PTPRT: variants seen among roughly 807,000 people sequenced by gnomAD.
The protein encoded by PTPRT is protein tyrosine phosphatase receptor type T.
PTPRT carries 56 observed loss-of-function variants against 176.8 expected under a neutral mutation model. That is an observed-to-expected ratio of 0.32 (90% confidence interval 0.26 to 0.40). PTPRT has a LOEUF of 0.40. Among genes scored for constraint, PTPRT ranks in the 10% least tolerant of loss-of-function variants. The pLI, the probability that PTPRT is intolerant of heterozygous loss-of-function variation, is 1.00. For synonymous variants in PTPRT, 783 were observed against 739.0 expected (o/e 1.06, Z -0.96); for missense variants, 1,540 against 1,908.2 (o/e 0.81, Z 3.60).
At chr20:42,175,292 C>A (rs1990245140) in intron 16 of PTPRT, among the ~76,000 whole-genome samples, 1 of 152,148 alleles carries the variant, frequency 6.6e-6, no homozygotes, top group South Asian at 2.1e-4. Flanking sequence ...TTGTGTCTCT[C>A]TGTCCTTTCC....
chr20:42,435,585 G>C (rs904111441), intron 9 of PTPRT, among the ~76,000 whole-genome samples: 2 of 152,160 alleles, frequency 1.3e-5, no homozygotes, highest in African/African-American at 2.4e-5. Context: ...CAGACCTAAG[G>C]TAGCAGTTTG....
At chr20:42,404,799 A>G (rs1241312376) in intron 9 of PTPRT, among the ~76,000 whole-genome samples, 1 of 152,008 alleles carries the variant, frequency 6.6e-6, no homozygotes, top group Non-Finnish European at 1.5e-5. Flanking sequence ...CCAATTGAAT[A>G]GACATCTTGA....
intron 1 of PTPRT, among the ~76,000 whole-genome samples, chr20:43,105,342 C>T (rs1336592792): frequency 6.6e-6 from 1 of 152,040 alleles, no homozygotes; most frequent in African/African-American, 2.4e-5. Context: ...CCCCAGCCCC[C>T]TTCATAGGGA....
intron 7 of PTPRT, among the ~76,000 whole-genome samples, chr20:42,508,311 T>C (rs376236884): frequency 6.6e-6 from 1 of 152,098 alleles, no homozygotes; most frequent in African/African-American, 2.4e-5. Context: ...TGGATTTTAA[T>C]GCAAACTTCA....
At chr20:42,101,450 C>A (rs550001577) in intron 26 of PTPRT, among the ~76,000 whole-genome samples, 1 of 152,104 alleles carries the variant, frequency 6.6e-6, no homozygotes, top group Non-Finnish European at 1.5e-5. Flanking sequence ...ATCCGAAAAA[C>A]GCAGGGGAGA....
At chr20:42,903,651 C>T (rs535000) in intron 1 of PTPRT, among the ~76,000 whole-genome samples, 9,096 of 152,204 alleles carry the variant, frequency 0.06, 762 homozygotes, top group African/African-American at 0.19. Context: ...AGTTGGACTC[C>T]GTGTACCTTG....
At chr20:42,734,165 A>G (rs2076503302) in intron 6 of PTPRT, among the ~76,000 whole-genome samples, 1 of 152,114 alleles carries the variant, frequency 6.6e-6, no homozygotes, top group Non-Finnish European at 1.5e-5. Flanking sequence ...GGTTGGCCCC[A>G]TCCCTCTGGG....
intron 2 of PTPRT, among the ~76,000 whole-genome samples, chr20:42,803,143 G>C (rs913750748): frequency 2.0e-5 from 3 of 152,242 alleles, no homozygotes; most frequent in African/African-American, 7.2e-5. Flanking sequence ...GGCCTAGAAG[G>C]CACCAGGAAG....
intron 9 of PTPRT, among the ~76,000 whole-genome samples, chr20:42,386,651 G>A (rs570943099): frequency 2.6e-5 from 4 of 152,002 alleles, no homozygotes; most frequent in East Asian, 1.9e-4. Context: ...TCACGAGGTC[G>A]TGAGTTCAAG....
intron 17 of PTPRT, among the ~76,000 whole-genome samples, chr20:42,153,116 T>G (rs182601776): frequency 6.6e-6 from 1 of 152,178 alleles, no homozygotes; most frequent in Non-Finnish European, 1.5e-5. Context: ...AAAAAGCAAG[T>G]GTGTCTCCAA....
chr20:43,095,501 G>C (rs1363027372), intron 1 of PTPRT, among the ~76,000 whole-genome samples: 1 of 151,928 alleles, frequency 6.6e-6, no homozygotes, highest in African/African-American at 2.4e-5. Flanking sequence ...CATGTGGCTG[G>C]ACATGTCTGC....
chr20:42,584,374 T>A (rs1314119983), intron 7 of PTPRT, among the ~76,000 whole-genome samples: 3 of 152,132 alleles, frequency 2.0e-5, no homozygotes, highest in African/African-American at 7.2e-5. Flanking sequence ...TCCCTGAACA[T>A]ACCAAACATG....
At chr20:42,539,985 C>A (rs561643171) in intron 7 of PTPRT, among the ~76,000 whole-genome samples, 1 of 152,114 alleles carries the variant, frequency 6.6e-6, no homozygotes, top group South Asian at 2.1e-4. Context: ...AGAGAATAAC[C>A]AACAAAACAG....
chr20:42,741,287 C>T (rs2076606042), intron 6 of PTPRT, among the ~76,000 whole-genome samples: 1 of 152,190 alleles, frequency 6.6e-6, no homozygotes. Flanking sequence ...CCCAGGAATG[C>T]CTGGCATGAG....
chr20:42,960,171 T>C (rs889072433), intron 1 of PTPRT, among the ~76,000 whole-genome samples: 4 of 152,216 alleles, frequency 2.6e-5, no homozygotes, highest in African/African-American at 9.6e-5. Context: ...ATAAATATTT[T>C]CACTGATTTA....
intron 7 of PTPRT, among the ~76,000 whole-genome samples, chr20:42,570,677 T>A (rs1469228901): frequency 1.3e-5 from 2 of 152,036 alleles, no homozygotes; most frequent in African/African-American, 2.4e-5. Context: ...CTTTTCTGCC[T>A]ACAACTAAAT....
At chr20:42,408,088 G>A (rs781781330) in intron 9 of PTPRT, among the ~76,000 whole-genome samples, 3 of 151,966 alleles carry the variant, frequency 2.0e-5, no homozygotes, top group African/African-American at 4.8e-5. Flanking sequence ...AAACCAATAC[G>A]TTGATGAAAT....
chr20:42,614,980 C>T (rs1261348644), intron 7 of PTPRT, among the ~76,000 whole-genome samples: 4 of 143,634 alleles, frequency 2.8e-5, no homozygotes, highest in Non-Finnish European at 6.0e-5. Context: ...TACATGTGCA[C>T]ATTGTGCAGG....
intron 1 of PTPRT, among the ~76,000 whole-genome samples, chr20:42,907,246 CAGCCCTTTGTGAAACAAGAAGAGAA>C: frequency 6.6e-6 from 1 of 152,270 alleles, no homozygotes; most frequent in East Asian, 1.9e-4. Flanking sequence ...CAAAGAGATG[CAGCCCTTTGTGAAACAAGAAGAGAA>C]AGCCACACAG....
Sources: gnomAD v4.1 joint callset for allele counts (sites outside exome capture counted in the v4.1 genomes callset) on GRCh38, gnomAD v4.1.1 for gene constraint, MANE v1.5 for transcripts, NCBI Gene and HGNC (gene_info 2026-07-23, HGNC 2026-07-21) for gene names.